CLCN5: variants seen among roughly 807,000 people sequenced by gnomAD.
The protein encoded by CLCN5 is Cl-/H+ antiporter 5, also known as H(+)/Cl(-) exchange transporter 5.
CLCN5 carries 17 observed loss-of-function variants against 54.0 expected under a neutral mutation model. That is an observed-to-expected ratio of 0.31 (90% confidence interval 0.22 to 0.47). The LOEUF is 0.47. Among genes scored for constraint, CLCN5 ranks in the 20% least tolerant of loss-of-function variants. The pLI, the probability that CLCN5 is intolerant of heterozygous loss-of-function variation, is 1.00. For synonymous variants in CLCN5, 222 were observed against 233.0 expected (o/e 0.95, Z 0.43); for missense variants, 448 against 646.7 (o/e 0.69, Z 3.33).
chrX:49,988,011 C>G (rs782362519), intron 3 of CLCN5, among the ~76,000 whole-genome samples: 1 of 111,063 alleles, frequency 9.0e-6, no homozygotes, highest in Non-Finnish European at 1.9e-5. Context: ...CTGACACTGC[C>G]GAAAAACTCC....
chrX:50,011,676 T>C (rs73490091), intron 3 of CLCN5, among the ~76,000 whole-genome samples: 3 of 112,462 alleles, frequency 2.7e-5, no homozygotes, highest in East Asian at 5.6e-4. Flanking sequence ...ATGAGGGAAG[T>C]CTTCTTACTG....
At chrX:50,013,020 C>G (rs1202585680) in intron 3 of CLCN5, among the ~76,000 whole-genome samples, 1 of 111,499 alleles carries the variant, frequency 9.0e-6, no homozygotes, top group African/African-American at 3.3e-5. Flanking sequence ...TCCTCCATAA[C>G]CACACATTCA....
At chrX:49,941,840 C>T (rs184997056) in intron 3 of CLCN5, among the ~76,000 whole-genome samples, 36 of 109,239 alleles carry the variant, frequency 3.3e-4, no homozygotes, top group African/African-American at 1.2e-3. Flanking sequence ...ACTCCAGTCT[C>T]TACCACCTGC....
chrX:49,950,284 T>C (rs935893844), intron 3 of CLCN5, among the ~76,000 whole-genome samples: 7 of 112,160 alleles, frequency 6.2e-5, no homozygotes, highest in African/African-American at 2.3e-4. Context: ...AATAGACAAC[T>C]ATGTAAAAGA....
rs1245046103 is a variant in CLCN5, at chrX:49,978,151, A to C, written c.16+52837A>C. On this transcript the variant is annotated intron_variant, in intron 3 of 14. Coordinates refer to ENST00000376091, the MANE Select transcript of CLCN5 (RefSeq NM_001127898.4). Reference sequence around the variant, plus strand: ...TACCACATTTACTAATGATATACCCAGGGTGGACTTCATGGGCATGCAACC... The same window carrying C: ...TACCACATTTACTAATGATATACCCCGGGTGGACTTCATGGGCATGCAACC... Among the ~76,000 whole-genome samples, 3 of 111,697 alleles carry C rather than the reference A, an allele frequency of 2.7e-5. No individual in the cohort carries two copies. In the East Asian group the frequency reaches 8.4e-4, roughly 31 times the overall value.
intron 4 of CLCN5, among the ~76,000 whole-genome samples, chrX:50,058,803 C>A (rs1557189457): frequency 1.8e-5 from 2 of 111,001 alleles, no homozygotes; most frequent in African/African-American, 3.3e-5. Context: ...ATTCACTATG[C>A]CTTCAAAATT....
chrX:49,972,894 T>G (rs1340094539), intron 3 of CLCN5, among the ~76,000 whole-genome samples: 1 of 112,167 alleles, frequency 8.9e-6, no homozygotes, highest in African/African-American at 3.2e-5. Context: ...AAGGAAACCT[T>G]ACTGTCATTT....
chrX:49,923,142 T>G (rs183824052), intron 1 of CLCN5, among the ~76,000 whole-genome samples: 10 of 113,260 alleles, frequency 8.8e-5, no homozygotes, highest in Non-Finnish European at 1.7e-4. Flanking sequence ...TTTCCCGGAC[T>G]GGGGTAGGGT....
chrX:50,072,567 C>T lies in CLCN5; in HGVS notation c.394C>T (p.Leu132Phe), dbSNP rs1312990622. The T allele has an allele frequency of 2.5e-6, 3 of 1,199,502 alleles. No individual in the cohort carries two copies. In the African/African-American group the frequency reaches 5.3e-5, roughly 21 times the overall value. ...SDAFSGWLLM[L>F]LIGLLSGSLA... ...TGCTTTTTCCGGCTGGTTGTTGATG[C>T]TCCTTATTGGGCTTTTATCAGGTAT... Residue 132 changes from leucine to phenylalanine, a missense_variant, in exon 6 of 15, where the codon CTC becomes TTC. Physicochemically the swap from Leu to Phe is conservative, Grantham distance 22. Transcript: ENST00000376091.
chrX:49,969,513 CTTT>C (rs1242032343), intron 3 of CLCN5, among the ~76,000 whole-genome samples: 3 of 112,314 alleles, frequency 2.7e-5, no homozygotes, highest in Non-Finnish European at 5.6e-5. Flanking sequence ...TTGATTACTT[CTTT>C]GATTCATGGG....
intron 3 of CLCN5, among the ~76,000 whole-genome samples, chrX:49,932,078 G>T (rs782331760): frequency 9.0e-6 from 1 of 111,284 alleles, no homozygotes; most frequent in Non-Finnish European, 1.9e-5. Flanking sequence ...ACTATACTTG[G>T]CTAATTTTTG....
intron 3 of CLCN5, among the ~76,000 whole-genome samples, chrX:50,034,231 G>A (rs1931880011): frequency 8.9e-6 from 1 of 112,324 alleles, no homozygotes; most frequent in African/African-American, 3.2e-5. Context: ...TGGGAGCACA[G>A]ATTTCAGTAA....
intron 4 of CLCN5, among the ~76,000 whole-genome samples, chrX:50,063,557 C>A (rs1433389779): frequency 9.3e-6 from 1 of 107,354 alleles, no homozygotes; most frequent in African/African-American, 3.6e-5. Flanking sequence ...CAGATGGATT[C>A]ACAGCCGAAT....
At position 49,977,195 on chromosome X, in the gene CLCN5, T is replaced by C. The variant is rs782190110; in HGVS notation, c.16+51881T>C. Among the ~76,000 whole-genome samples, 20 of 110,659 alleles carry C rather than the reference T, an allele frequency of 1.8e-4. No individual in the cohort carries two copies. In the South Asian group the frequency reaches 7.8e-3, roughly 43 times the overall value. On this transcript the variant is annotated intron_variant, in intron 3 of 14. Transcript: ENST00000376091. ...AGGGAGGGATTTTAGAGTGTATCTATTTTGAGGGAGGGGGAATTGAAACAG... is the reference window on the plus strand; with the variant it reads ...AGGGAGGGATTTTAGAGTGTATCTACTTTGAGGGAGGGGGAATTGAAACAG...
At chrX:49,981,402 A>T (rs1928723510) in intron 3 of CLCN5, among the ~76,000 whole-genome samples, 1 of 111,293 alleles carries the variant, frequency 9.0e-6, no homozygotes, top group African/African-American at 3.3e-5. Context: ...TTACTTTTTA[A>T]TCTGGAAATC....
chrX:49,936,407 A>G (rs1925976285), intron 3 of CLCN5, among the ~76,000 whole-genome samples: 1 of 111,663 alleles, frequency 9.0e-6, no homozygotes, highest in South Asian at 3.7e-4. Flanking sequence ...CTTCTATGCT[A>G]AATCTACTTC....
At chrX:50,064,861 C>T (rs1250683995) in intron 4 of CLCN5, among the ~76,000 whole-genome samples, 3 of 106,352 alleles carry the variant, frequency 2.8e-5, no homozygotes, top group Admixed American at 9.9e-5. Context: ...ACGCCGCTTA[C>T]CTACAACTAT....
intron 3 of CLCN5, among the ~76,000 whole-genome samples, chrX:50,034,240 A>G (rs1285669732): frequency 4.4e-5 from 5 of 112,451 alleles, no homozygotes; most frequent in Non-Finnish European, 9.4e-5. Flanking sequence ...AGATTTCAGT[A>G]ACTCTGTCCT....
rs782437980 is a variant in CLCN5, at chrX:50,093,437, T to G, written c.*1218T>G. 2.7e-5 allele frequency: 3 copies of G among 112,088 alleles called. No individual in the cohort carries two copies. The highest frequency in any genetic ancestry group is 9.8e-5 in the African/African-American group (3 of 30,757). 9.2% of individuals were successfully genotyped at this position (112,088 alleles called of 1,213,427 possible). On this transcript the variant is annotated 3_prime_UTR_variant, in exon 15 of 15. Coordinates refer to ENST00000376091, the MANE Select transcript of CLCN5 (RefSeq NM_001127898.4). ...GCAGCTGTGACTCCCTCAAGAGTCCTTAGAATTCTAAATAAAATGCAGAGC... is the reference window on the plus strand; with the variant it reads ...GCAGCTGTGACTCCCTCAAGAGTCCGTAGAATTCTAAATAAAATGCAGAGC...
Sources: allele counts gnomAD v4.1 joint callset (sites outside exome capture counted in the v4.1 genomes callset), GRCh38; gene constraint gnomAD v4.1.1; transcripts MANE v1.5; gene names NCBI Gene and HGNC (gene_info 2026-07-23, HGNC 2026-07-21).